SLBP: variants seen among roughly 807,000 people sequenced by gnomAD.
The protein encoded by SLBP is histone RNA hairpin-binding protein.
SLBP carries 29 observed loss-of-function variants against 39.2 expected under a neutral mutation model. That is an observed-to-expected ratio of 0.74 (90% CI 0.55 to 1.01). The LOEUF (loss-of-function observed/expected upper bound fraction) is 1.01, where lower values mean the gene tolerates loss of function less well. SLBP is among the 50% of genes least tolerant of loss of function. The pLI is 0.00. For missense variants in SLBP, 390 were observed against 350.2 expected, an observed-to-expected ratio of 1.11 and a Z score of -0.91; for synonymous variants, 129 against 118.7, an observed-to-expected ratio of 1.09 and a Z score of -0.57.
intron 5 of SLBP, among the ~76,000 whole-genome samples, chr4:1,698,727 G>A (rs1048775397): frequency 1.1e-4 from 16 of 151,716 alleles, no homozygotes; most frequent in African/African-American, 2.9e-4. Flanking sequence ...CTCATGATCC[G>A]CACTCCTCGG....
rs1715977267 is a variant in SLBP at position 1,693,076 on chromosome 4, GT to G, written c.*520del. ...CATATAACTTACATAAAACTCATTA[GT>G]TTAATAGCTCAATTTAACAATGTCT... is the stretch of plus-strand genomic sequence containing the variant. On this transcript the variant is annotated 3_prime_UTR_variant, in exon 8 of 8. Coordinates refer to ENST00000489418, the MANE Select transcript of SLBP (RefSeq NM_006527.4). 1 of 155,834 alleles carries G rather than the reference GT, an allele frequency of 6.4e-6. No individual in the cohort carries two copies. Among genetic ancestry groups the G allele is most frequent in the Non-Finnish European group, 1.4e-5 (1 of 69,860 alleles). 9.7% of individuals were successfully genotyped at this position (155,834 alleles called of 1,614,324 possible).
rs190075572 is a variant in SLBP, at chr4:1,702,969, G to A, written c.281+627C>T. Among the ~76,000 whole-genome samples the A allele has an allele frequency of 2.2e-3, 337 of 152,174 alleles. 4 individuals carry two copies. The highest frequency in any genetic ancestry group is 7.0e-3 in the African/African-American group (292 of 41,510). Reference sequence around the variant, plus strand: ...ATAGTAAGTTCCTGATAGTTAGGCCGGGCACAGTGACTCATGCCTGTAATC... The same window carrying A: ...ATAGTAAGTTCCTGATAGTTAGGCCAGGCACAGTGACTCATGCCTGTAATC... On this transcript the variant is annotated intron_variant, in intron 3 of 7. Transcript: ENST00000489418.
chr4:1,701,137 C>CTT (rs1228557022), intron 3 of SLBP, among the ~76,000 whole-genome samples: 2 of 120,648 alleles, frequency 1.7e-5, no homozygotes, highest in Admixed American at 8.5e-5. Flanking sequence ...AATCCATTTT[C>CTT]TTTTTTTTCT....
chr4:1,694,655 T>G, intron 7 of SLBP, 119 bp downstream of exon 7: 1 of 744,858 alleles, frequency 1.3e-6, no homozygotes, highest in Non-Finnish European at 2.4e-6. Flanking sequence ...CCTCCCAAGG[T>G]GCTGGGATTA....
At position 1,694,792 on chromosome 4, in the gene SLBP, G is replaced by A. The variant is rs780899466; in HGVS notation, c.678C>T (p.Thr226=). 6.8e-5 allele frequency: 110 copies of A among 1,613,160 alleles called. No individual in the cohort carries two copies. The highest frequency in any genetic ancestry group is 8.8e-5 in the Non-Finnish European group (104 of 1,179,218). ...ESAESSSEPQ[T]SSQDDFDVYS... ...TACTTACAAAGTCATCCTGAGAGCT[G>A]GTCTGGGGCTCGGAGCTGCTTTCTG... is the stretch of plus-strand genomic sequence containing the variant. Residue 226 remains threonine, a synonymous_variant, in exon 7 of 8, where the codon ACC becomes ACT. Transcript: ENST00000489418.
At chr4:1,708,893 GACACCAA>G (rs1172068279) in intron 2 of SLBP, among the ~76,000 whole-genome samples, 2 of 152,168 alleles carry the variant, frequency 1.3e-5, no homozygotes, top group Non-Finnish European at 2.9e-5. Context: ...GAGGAATGAG[GACACCAA>G]AAACTTCCAT....
rs1715996788 is a variant in SLBP, at chr4:1,693,597, T to A, written c.813A>T (p.Ter271TyrextTer15). The A allele has an allele frequency of 6.3e-7, 1 of 1,598,372 alleles. No homozygotes were observed. Among genetic ancestry groups the A allele is most frequent in the Non-Finnish European group, 8.6e-7 (1 of 1,165,708 alleles). ...TCTCTTCCTGGCCGCCAGGGGGCAG[T>A]TAGCTCATGGCTGAGAAGTCTCTCA... The part of the protein sequence containing the change: ...EPLRDFSAMS[*>Y] The change falls in exon 8 of 8, where the codon TAA becomes TAT. Residue 271 changes from the stop codon to tyrosine (Y), a stop_lost. Coordinates refer to ENST00000489418, the MANE Select transcript of SLBP (RefSeq NM_006527.4).
At chr4:1,699,820 A>G in intron 4 of SLBP, 119 bp from the exon 5 acceptor site, 2 of 1,012,284 alleles carry the variant, frequency 2.0e-6, no homozygotes, top group Admixed American at 4.3e-5. Context: ...TCCCAACCAT[A>G]TGAATCCTAA....
chr4:1,695,515 C>T (rs796165225), intron 6 of SLBP, among the ~76,000 whole-genome samples: 11 of 152,240 alleles, frequency 7.2e-5, no homozygotes, highest in African/African-American at 2.6e-4. Context: ...TAAAGGCCAA[C>T]GGGGCTGGGA....
intron 2 of SLBP, among the ~76,000 whole-genome samples, chr4:1,705,452 A>G (rs1436946467): frequency 2.0e-5 from 3 of 152,228 alleles, no homozygotes; most frequent in African/African-American, 7.2e-5. Flanking sequence ...TTGATCATGG[A>G]TGTAGCACAC....
intron 2 of SLBP, among the ~76,000 whole-genome samples, chr4:1,706,021 T>C (rs1415957506): frequency 6.6e-6 from 1 of 152,176 alleles, no homozygotes; most frequent in East Asian, 1.9e-4. Flanking sequence ...CAGTGGCTCA[T>C]ACTTGTAATC....
intron 2 of SLBP, among the ~76,000 whole-genome samples, chr4:1,709,513 T>C (rs186801303): frequency 2.6e-5 from 4 of 152,294 alleles, no homozygotes; most frequent in Non-Finnish European, 5.9e-5. Flanking sequence ...TCCAATAAGT[T>C]AGATATGCTG....
At chr4:1,693,757 G>A (rs373269454) in intron 7 of SLBP, 44 bp from the exon 8 acceptor site, 1 of 1,301,022 alleles carries the variant, frequency 7.7e-7, no homozygotes, top group South Asian at 1.2e-5. Context: ...ATCTCACCCT[G>A]AAAACAGGGG....
At chr4:1,710,610 T>C (rs1218290126) in intron 2 of SLBP, among the ~76,000 whole-genome samples, 1 of 152,144 alleles carries the variant, frequency 6.6e-6, no homozygotes. Flanking sequence ...AAGATCTACA[T>C]GTTCCAAGAG....
chr4:1,694,525 C>T (rs559883907), intron 7 of SLBP, among the ~76,000 whole-genome samples: 4 of 151,962 alleles, frequency 2.6e-5, no homozygotes, highest in South Asian at 2.1e-4. Context: ...CTGAGTAGCA[C>T]GGACTACAGG....
chr4:1,700,577 T>TG (rs998388289), intron 3 of SLBP, among the ~76,000 whole-genome samples: 2 of 147,504 alleles, frequency 1.4e-5, no homozygotes, highest in African/African-American at 4.9e-5. Flanking sequence ...TTTTTTTTTT[T>TG]GAGATGGGGT....
intron 2 of SLBP, among the ~76,000 whole-genome samples, chr4:1,704,758 T>C (rs140328983): frequency 7.4e-4 from 112 of 152,268 alleles, no homozygotes; most frequent in Non-Finnish European, 1.4e-3. Context: ...CCTGTATCCA[T>C]ATAATAAAAG....
intron 6 of SLBP, among the ~76,000 whole-genome samples, chr4:1,695,440 G>A (rs1045577266): frequency 6.6e-6 from 1 of 152,176 alleles, no homozygotes; most frequent in Non-Finnish European, 1.5e-5. Flanking sequence ...TACCTTCCTG[G>A]TCAGCAGGTA....
intron 2 of SLBP, among the ~76,000 whole-genome samples, chr4:1,704,566 C>T (rs1716447993): frequency 6.6e-6 from 1 of 152,104 alleles, no homozygotes. Flanking sequence ...TCACAGATCG[C>T]GGGCACATCT....
Sources: gnomAD v4.1 joint callset for allele counts (sites outside exome capture counted in the v4.1 genomes callset) on GRCh38, gnomAD v4.1.1 for gene constraint, MANE v1.5 for transcripts, NCBI Gene and HGNC (gene_info 2026-07-23, HGNC 2026-07-21) for gene names.